Variants in GNS observed in about 807,000 individuals in gnomAD.
GNS encodes the protein glucosamine (N-acetyl)-6-sulfatase.
A neutral mutation model predicts 69.7 loss-of-function variants in GNS; 40 were observed. The ratio of observed to expected loss-of-function variants is 0.57; its 90% CI spans 0.45 to 0.75. The LOEUF is 0.75. GNS is among the 30% of genes least tolerant of loss of function. GNS has a pLI of 0.00. For synonymous variants in GNS, 243 were observed against 251.6 expected (o/e 0.97, Z 0.32); for missense variants, 565 against 685.5 (o/e 0.82, Z 1.96).
At chr12:64,744,401 A>T (rs1869837304) in intron 5 of GNS, among the ~76,000 whole-genome samples, 1 of 152,190 alleles carries the variant, frequency 6.6e-6, no homozygotes, top group African/African-American at 2.4e-5. Context: ...TTTATATGTA[A>T]ATACCCAATG....
chr12:64,739,321 G>T, intron 8 of GNS, 60 bp downstream of exon 8: 1 of 889,122 alleles, frequency 1.1e-6, no homozygotes, highest in South Asian at 1.3e-5. Context: ...AGGGCTCATT[G>T]GGTGAAAAAG....
chr12:64,723,943 C>T (rs552351870), intron 10 of GNS, among the ~76,000 whole-genome samples: 5 of 152,200 alleles, frequency 3.3e-5, no homozygotes, highest in African/African-American at 1.2e-4. Flanking sequence ...GGTTTTTGAG[C>T]AGGGAGGTAA....
rs998699325 is a variant in GNS at position 64,718,051 on chromosome 12, A to G, written c.1581-1232T>C. The stretch of plus-strand genomic sequence containing the variant: ...TTGCTGCTGAAGCACACAAGCAGCC[A>G]AAACCAGGTAAACGAATGTGTGAGG... On this transcript the variant is annotated intron_variant, in intron 13 of 13. Coordinates refer to ENST00000258145, the MANE Select transcript of GNS (RefSeq NM_002076.4). 3.3e-4 allele frequency among the ~76,000 whole-genome samples: 51 copies of G among 152,356 alleles called. 1 individual carries two copies. The highest frequency in any genetic ancestry group is 1.2e-3 in the African/African-American group (49 of 41,582).
At chr12:64,745,066 T>C (rs2069445053) in intron 4 of GNS, among the ~76,000 whole-genome samples, 159 bp from the exon 5 acceptor site, 1 of 152,140 alleles carries the variant, frequency 6.6e-6, no homozygotes, top group African/African-American at 2.4e-5. Flanking sequence ...AGGGTTTTAT[T>C]AAAGACAAGC....
chr12:64,752,846 C>T (rs767678420), intron 1 of GNS, 89 bp from the exon 2 acceptor site: 20 of 749,658 alleles, frequency 2.7e-5, no homozygotes, highest in Non-Finnish European at 3.9e-5. Context: ...ACATCTTACT[C>T]AATCTTTTAT....
At chr12:64,752,796 C>A in intron 1 of GNS, 39 bp from the exon 2 acceptor site, 1 of 1,014,554 alleles carries the variant, frequency 9.9e-7, no homozygotes, top group Non-Finnish European at 1.6e-6. Flanking sequence ...CAATTTCTTC[C>A]AATAAATTGA....
chr12:64,735,866 G>T (rs1271961607), intron 9 of GNS, among the ~76,000 whole-genome samples: 1 of 152,138 alleles, frequency 6.6e-6, no homozygotes, highest in African/African-American at 2.4e-5. Context: ...AACACAAAAC[G>T]TAATTATGAA....
intron 5 of GNS, among the ~76,000 whole-genome samples, chr12:64,743,575 C>G (rs567159214): frequency 6.6e-6 from 1 of 152,196 alleles, no homozygotes; most frequent in Non-Finnish European, 1.5e-5. Context: ...AATCATGTCT[C>G]CCACAAAGAA....
At chr12:64,729,192 G>T in intron 9 of GNS, 135 bp from the exon 10 acceptor site, 1 of 694,782 alleles carries the variant, frequency 1.4e-6, no homozygotes, top group Non-Finnish European at 2.7e-6. Context: ...CCATACTTTG[G>T]TCTGTTTCAT....
intron 13 of GNS, 98 bp from the exon 14 acceptor site, chr12:64,716,917 C>T (rs576474631): frequency 1.3e-6 from 1 of 798,090 alleles, no homozygotes; most frequent in South Asian, 1.4e-5. Flanking sequence ...GTAAAAGAAA[C>T]AAATCACCAG....
At chr12:64,723,556 T>C (rs929156768) in intron 10 of GNS, among the ~76,000 whole-genome samples, 6 of 152,238 alleles carry the variant, frequency 3.9e-5, no homozygotes, top group African/African-American at 1.4e-4. Flanking sequence ...ACTTGTGTGC[T>C]AAAGACTGTA....
Position 64,747,818 on chromosome 12 carries a change from C to A in GNS, c.353G>T (p.Cys118Phe), listed in dbSNP as rs780722075. 1 of 1,606,106 alleles carries A rather than the reference C, an allele frequency of 6.2e-7. No homozygotes were observed. The highest frequency in any genetic ancestry group is 8.5e-7 in the Non-Finnish European group (1 of 1,172,592). ...GATCTTCTGCCAGGACTTACTACTG[C>A]AGTTCCCCTCCAGAGTGTTGTTCAC... ...HVVNNTLEGN[C>F]SSKSWQKIQE... Residue 118 changes from cysteine to phenylalanine, a missense_variant, in exon 3 of 14, where the codon TGC becomes TTC. Around this residue, in one of 2 missense-constraint regions of GNS, gnomAD observed 181 missense variants for 174.4 expected, o/e 1.04. Transcript: ENST00000258145.
At chr12:64,740,819 T>C (rs1869707880) in intron 6 of GNS, 131 bp from the exon 7 acceptor site, 1 of 670,296 alleles carries the variant, frequency 1.5e-6, no homozygotes, top group Admixed American at 2.2e-5. Context: ...CTGGAACTTG[T>C]TTAAGCAATT....
At chr12:64,732,153 A>ATTTTTTTTTTTTTTTTTTTTTTTTT (rs1210247666) in intron 9 of GNS, among the ~76,000 whole-genome samples, 5 of 88,724 alleles carry the variant, frequency 5.6e-5, no homozygotes, top group Non-Finnish European at 6.2e-5. Context: ...CACCTGGCTA[A>ATTTTTTTTTTTTTTTTTTTTTTTTT]TTTTTTTTTT....
chr12:64,756,222 C>T (rs904852260), intron 1 of GNS, among the ~76,000 whole-genome samples: 1 of 152,210 alleles, frequency 6.6e-6, no homozygotes, highest in African/African-American at 2.4e-5. Flanking sequence ...ATGCTATATA[C>T]AATCCTTTGA....
Position 64,721,553 on chromosome 12 carries a change from C to A in GNS, c.1419+42G>T, listed in dbSNP as rs747913526. The stretch of plus-strand genomic sequence containing the variant: ...CCAAGTCCAGCCAACAAAGCACCAG[C>A]AAGAAAGGAGCGGGGGAAGTGCAGG... On this transcript the variant is annotated intron_variant, in intron 12 of 13. Coordinates refer to ENST00000258145, the MANE Select transcript of GNS (RefSeq NM_002076.4). 10 of 926,966 alleles carry A rather than the reference C, an allele frequency of 1.1e-5. No individual in the cohort carries two copies. The East Asian group carries it at 2.4e-4, about 22-fold the overall frequency. The allele number at this position is 926,966 out of a possible 1,614,324, so 57.4% of individuals were successfully genotyped here. A position where few individuals can be genotyped will look rare whatever the true frequency, so the allele number is the denominator to read the frequency against.
intron 1 of GNS, among the ~76,000 whole-genome samples, chr12:64,757,785 C>T (rs542751402): frequency 6.6e-6 from 1 of 152,264 alleles, no homozygotes; most frequent in Admixed American, 6.5e-5. Context: ...TTGGTAGTTA[C>T]TCACTAAACT....
rs190758540 is a variant in GNS at position 64,716,580 on chromosome 12, C to T, written c.*161G>A. 312 of 683,686 alleles carry T rather than the reference C, an allele frequency of 4.6e-4. No homozygotes were observed. Among genetic ancestry groups the T allele is most frequent in the African/African-American group, 4.4e-3 (252 of 56,812 alleles). 42.4% of individuals were successfully genotyped at this position (683,686 alleles called of 1,614,324 possible). A position where few individuals can be genotyped will look rare whatever the true frequency, so the allele number is the denominator to read the frequency against. ...AGAGTTCACAGTTTAACACATTGCA[C>T]GAGGAAGTCAGCTGACTGGGTTGCT... On this transcript the variant is annotated 3_prime_UTR_variant, in exon 14 of 14. Coordinates refer to ENST00000258145, the MANE Select transcript of GNS (RefSeq NM_002076.4).
Position 64,737,156 on chromosome 12 carries a change from G to A in GNS, c.995-49C>T, listed in dbSNP as rs750705389. On this transcript the variant is annotated intron_variant, in intron 8 of 13. Transcript: ENST00000258145. ...AAGATGGAGCCAAGACAGGAGCCTT[G>A]CTCATGTTATGTTTCACTCATTTAA... 11 of 964,652 alleles carry A rather than the reference G, an allele frequency of 1.1e-5. No individual in the cohort carries two copies. In the Admixed American group the frequency reaches 1.2e-4, roughly 10 times the overall value. The allele number at this position is 964,652 out of a possible 1,614,324, so 59.8% of individuals were successfully genotyped here. A position where few individuals can be genotyped will look rare whatever the true frequency, so the allele number is the denominator to read the frequency against.
Sources: allele counts gnomAD v4.1 joint callset (sites outside exome capture counted in the v4.1 genomes callset), GRCh38; gene constraint gnomAD v4.1.1; regional missense constraint gnomAD v4.1.1; transcripts MANE v1.5; gene names NCBI Gene and HGNC (gene_info 2026-07-23, HGNC 2026-07-21).